DPH6: variants seen among roughly 807,000 people sequenced by gnomAD.
DPH6 encodes diphthine--ammonia ligase.
In DPH6, 33 loss-of-function variants were observed where a neutral mutation model predicts 38.2. The ratio of observed to expected loss-of-function variants is 0.86; its 90% confidence interval spans 0.65 to 1.15. DPH6 has a LOEUF of 1.15. DPH6 is among the 50% of genes most tolerant of loss of function. The pLI is 0.00. For missense variants in DPH6, 325 were observed against 320.0 expected (o/e 1.02, Z -0.12); for synonymous variants, 108 against 103.0 (o/e 1.05, Z -0.30).
the DPH6 span, among the ~76,000 whole-genome samples, chr15:35,196,239 C>T: frequency 6.6e-6 from 1 of 152,162 alleles, no homozygotes; most frequent in Non-Finnish European, 1.5e-5. Flanking sequence ...AAAATGATCA[C>T]TAGTGAAAAT....
chr15:35,442,182 T>C (rs1256326029), intron 5 of DPH6, among the ~76,000 whole-genome samples: 2 of 151,920 alleles, frequency 1.3e-5, no homozygotes, highest in Admixed American at 1.3e-4. Context: ...AAACCTACAA[T>C]GCACTAAAGA....
the DPH6 span, among the ~76,000 whole-genome samples, chr15:35,177,954 A>T: frequency 2.7e-5 from 4 of 148,150 alleles, no homozygotes; most frequent in Admixed American, 1.4e-4. Flanking sequence ...AAAAAAAAAT[A>T]ATAATAATGT....
chr15:35,374,001 A>C (rs914852592), intron 7 of DPH6, among the ~76,000 whole-genome samples: 2 of 151,976 alleles, frequency 1.3e-5, no homozygotes, highest in African/African-American at 4.8e-5. Context: ...TAATTCATTC[A>C]ATGTTTCACA....
chr15:35,385,566 A>G (rs1409474270), intron 6 of DPH6, among the ~76,000 whole-genome samples: 1 of 152,132 alleles, frequency 6.6e-6, no homozygotes, highest in East Asian at 1.9e-4. Flanking sequence ...TTGAACAATG[A>G]GAACACATGG....
At chr15:35,205,868 C>A in the DPH6 span, among the ~76,000 whole-genome samples, 30 of 152,040 alleles carry the variant, frequency 2.0e-4, no homozygotes, top group Non-Finnish European at 4.1e-4. Context: ...AAAAAATAAT[C>A]CCACTGTCGG....
At chr15:35,146,324 A>G in the DPH6 span, among the ~76,000 whole-genome samples, 1 of 152,180 alleles carries the variant, frequency 6.6e-6, no homozygotes, top group African/African-American at 2.4e-5. Context: ...AAAATGTAAT[A>G]TCAAAACCTA....
At chr15:35,403,727 TG>T (rs944758641) in intron 6 of DPH6, among the ~76,000 whole-genome samples, 15 of 152,020 alleles carry the variant, frequency 9.9e-5, no homozygotes, top group African/African-American at 3.6e-4. Flanking sequence ...AGGCTGGTCT[TG>T]AACTCCTGGA....
chr15:35,232,174 G>A (rs1276378029), intron 3 of DPH6, among the ~76,000 whole-genome samples: 1 of 152,162 alleles, frequency 6.6e-6, no homozygotes, highest in Non-Finnish European at 1.5e-5. Context: ...ATATGACCAA[G>A]AGATTTAGTG....
At chr15:35,509,803 T>A (rs540433881) in intron 3 of DPH6, among the ~76,000 whole-genome samples, 1 of 152,356 alleles carries the variant, frequency 6.6e-6, no homozygotes, top group Non-Finnish European at 1.5e-5. Flanking sequence ...GCCTTCTTAC[T>A]TATCTTTCTT....
chr15:35,359,463 T>G (rs926086416), intron 3 of DPH6, among the ~76,000 whole-genome samples: 1 of 152,200 alleles, frequency 6.6e-6, no homozygotes, highest in African/African-American at 2.4e-5. Context: ...TGTGTAGTTT[T>G]ACTCCCTGCT....
At chr15:35,356,633 T>C (rs566949295) in intron 3 of DPH6, among the ~76,000 whole-genome samples, 6 of 152,152 alleles carry the variant, frequency 3.9e-5, no homozygotes, top group African/African-American at 1.4e-4. Context: ...TGCCTGATCA[T>C]TCCTCTGCAA....
chr15:35,173,954 T>C, the DPH6 span, among the ~76,000 whole-genome samples: 2 of 152,188 alleles, frequency 1.3e-5, no homozygotes, highest in Admixed American at 6.5e-5. Context: ...GTCTTCCCTA[T>C]GCCAGGTGCT....
intron 3 of DPH6, among the ~76,000 whole-genome samples, chr15:35,511,956 AC>A (rs917598098): frequency 2.0e-5 from 3 of 152,140 alleles, no homozygotes; most frequent in Admixed American, 6.6e-5. Flanking sequence ...AAATAGTAGC[AC>A]TATAGTTTTG....
chr15:35,539,553 T>A (rs965644878), intron 2 of DPH6, among the ~76,000 whole-genome samples: 1 of 152,052 alleles, frequency 6.6e-6, no homozygotes, highest in African/African-American at 2.4e-5. Context: ...CTCAAATTTA[T>A]CTACCCACAG....
chr15:35,196,559 G>T, the DPH6 span, among the ~76,000 whole-genome samples: 2 of 152,100 alleles, frequency 1.3e-5, no homozygotes, highest in African/African-American at 2.4e-5. Flanking sequence ...GCAAATTCTG[G>T]GTAGTTGATC....
chr15:35,497,407 A>C (rs1456969646), intron 3 of DPH6, among the ~76,000 whole-genome samples: 1 of 152,204 alleles, frequency 6.6e-6, no homozygotes, highest in Non-Finnish European at 1.5e-5. Flanking sequence ...TAACACCAAC[A>C]TATAAAGTTA....
At chr15:35,152,552 T>G in the DPH6 span, among the ~76,000 whole-genome samples, 3 of 152,140 alleles carry the variant, frequency 2.0e-5, no homozygotes, top group Non-Finnish European at 4.4e-5. Flanking sequence ...CAGGCTGGAG[T>G]GCAATAGTGC....
intron 2 of DPH6, among the ~76,000 whole-genome samples, chr15:35,538,719 T>C (rs2055209889): frequency 6.6e-6 from 1 of 152,194 alleles, no homozygotes; most frequent in Non-Finnish European, 1.5e-5. Flanking sequence ...TACATAAATT[T>C]GTTGTACCAT....
At chr15:35,387,484 T>G (rs1173364398) in intron 6 of DPH6, among the ~76,000 whole-genome samples, 1 of 152,210 alleles carries the variant, frequency 6.6e-6, no homozygotes, top group African/African-American at 2.4e-5. Context: ...GCATGGAATA[T>G]TCTTCCATTT....
Sources: gnomAD v4.1 joint callset for allele counts (sites outside exome capture counted in the v4.1 genomes callset) on GRCh38, gnomAD v4.1.1 for gene constraint, MANE v1.5 for transcripts, NCBI Gene and HGNC (gene_info 2026-07-23, HGNC 2026-07-21) for gene names.